The following GLIS3 variants were observed in gnomAD, a reference collection of about 807,000 sequenced individuals.
GLIS3 encodes zinc finger protein GLIS3.
A neutral mutation model predicts 78.6 loss-of-function variants in GLIS3; 53 were observed. The observed-to-expected ratio is 0.67, with a 90% confidence interval of 0.54 to 0.85. GLIS3 has a LOEUF of 0.85. Ranked by LOEUF, GLIS3 falls within the 40% of genes least tolerant of loss-of-function variation. The pLI, the probability that GLIS3 is intolerant of heterozygous loss-of-function variation, is 0.00. For synonymous variants in GLIS3, 684 were observed against 509.9 expected, an observed-to-expected ratio of 1.34 and a Z score of -4.60; for missense variants, 1,703 against 1,231.1, an observed-to-expected ratio of 1.38 and a Z score of -5.74.
intron 4 of GLIS3, among the ~76,000 whole-genome samples, chr9:4,003,345 T>G (rs1464789726): frequency 6.6e-6 from 1 of 152,072 alleles, no homozygotes; most frequent in Non-Finnish European, 1.5e-5. Context: ...CTATATATAT[T>G]TTAAAAAGAG....
At chr9:4,039,967 CTGTT>C (rs1474572652) in intron 4 of GLIS3, among the ~76,000 whole-genome samples, 4 of 152,186 alleles carry the variant, frequency 2.6e-5, no homozygotes, top group East Asian at 3.9e-4. Context: ...GAGGCCAAAA[CTGTT>C]TGGGAAGATT....
At chr9:4,134,895 T>A (rs1303999031) in intron 2 of GLIS3, among the ~76,000 whole-genome samples, 2 of 152,174 alleles carry the variant, frequency 1.3e-5, no homozygotes, top group Admixed American at 1.3e-4. Flanking sequence ...GTATACACCT[T>A]ACCTAGAAGG....
chr9:4,236,606 T>A (rs1822776146), intron 2 of GLIS3, among the ~76,000 whole-genome samples: 1 of 152,146 alleles, frequency 6.6e-6, no homozygotes, highest in Non-Finnish European at 1.5e-5. Context: ...AGCACAGCAG[T>A]CTAATTTCCA....
At chr9:4,308,571 C>T (rs556035623) in intron 4 of GLIS3, among the ~76,000 whole-genome samples, 27 of 152,250 alleles carry the variant, frequency 1.8e-4, no homozygotes, top group Non-Finnish European at 3.2e-4. Flanking sequence ...GTCCTAGTGC[C>T]TCTTCCTTGC....
At chr9:4,272,510 C>G (rs903975820) in intron 2 of GLIS3, among the ~76,000 whole-genome samples, 1 of 152,148 alleles carries the variant, frequency 6.6e-6, no homozygotes, top group Non-Finnish European at 1.5e-5. Flanking sequence ...TCTTAATCTT[C>G]CCAAGCCTCT....
intron 4 of GLIS3, among the ~76,000 whole-genome samples, chr9:4,049,798 G>A (rs962318442): frequency 1.3e-5 from 2 of 152,118 alleles, no homozygotes; most frequent in Non-Finnish European, 2.9e-5. Flanking sequence ...GATATGAACA[G>A]ACACTTCTCG....
chr9:4,473,118 T>C, the GLIS3 span, among the ~76,000 whole-genome samples: 1 of 152,116 alleles, frequency 6.6e-6, no homozygotes, highest in Admixed American at 6.6e-5. Context: ...TTGCCAGTTA[T>C]TGCAGCACTA....
At chr9:4,054,595 C>T (rs1009766935) in intron 4 of GLIS3, 21 of 457,376 alleles carry the variant, frequency 4.6e-5, no homozygotes, top group African/African-American at 4.3e-4. Context: ...GCCTCCTTGA[C>T]ATTCAGAGCT....
intron 4 of GLIS3, among the ~76,000 whole-genome samples, chr9:3,991,970 A>T (rs10974277): frequency 6.6e-5 from 10 of 152,216 alleles, no homozygotes; most frequent in Middle Eastern, 3.4e-3. Flanking sequence ...GATTACAGGC[A>T]TGAGCCACCC....
chr9:3,998,485 C>T (rs1820898778), intron 4 of GLIS3, among the ~76,000 whole-genome samples: 2 of 151,896 alleles, frequency 1.3e-5, no homozygotes, highest in South Asian at 4.1e-4. Flanking sequence ...CTATATACTA[C>T]TGTATTTATT....
chr9:3,992,370 C>G (rs555149987), intron 4 of GLIS3, among the ~76,000 whole-genome samples: 2 of 152,284 alleles, frequency 1.3e-5, no homozygotes, highest in African/African-American at 4.8e-5. Flanking sequence ...ATGATAGTTG[C>G]TTCTCTTGGG....
chr9:4,403,400 G>T, the GLIS3 span, among the ~76,000 whole-genome samples: 1 of 152,218 alleles, frequency 6.6e-6, no homozygotes, highest in African/African-American at 2.4e-5. Flanking sequence ...TAAGCACACA[G>T]AAAAACACAG....
intron 2 of GLIS3, among the ~76,000 whole-genome samples, chr9:4,165,494 T>G (rs1285367099): frequency 2.6e-5 from 4 of 152,154 alleles, no homozygotes; most frequent in Non-Finnish European, 5.9e-5. Flanking sequence ...GGGAAAAAGA[T>G]TTTCTAAGTT....
chr9:4,279,103 C>A (rs1157201323), intron 2 of GLIS3, among the ~76,000 whole-genome samples: 1 of 151,834 alleles, frequency 6.6e-6, no homozygotes, highest in Non-Finnish European at 1.5e-5. Flanking sequence ...AGTTCAAGAC[C>A]AGCCTGGCCA....
chr9:4,383,457 C>T, the GLIS3 span, among the ~76,000 whole-genome samples: 39 of 152,090 alleles, frequency 2.6e-4, no homozygotes, highest in Non-Finnish European at 4.3e-4. Flanking sequence ...TATTATGTAT[C>T]AAAGATAACA....
In GLIS3 at chr9:3,887,577, C is replaced by T. The variant is rs77618640; in HGVS notation, c.2129-7982G>A. ...TTCCCCCATGAGCTCCAAACTTCTGCGTAGGCTGCTCAATTACATTTCCAC... is the reference window on the plus strand; with the variant it reads ...TTCCCCCATGAGCTCCAAACTTCTGTGTAGGCTGCTCAATTACATTTCCAC... On this transcript the variant is annotated intron_variant, in intron 7 of 10. Coordinates refer to ENST00000381971, the MANE Select transcript of GLIS3 (RefSeq NM_001042413.2). Among the ~76,000 whole-genome samples, 1,145 of 152,258 alleles carry T rather than the reference C, an allele frequency of 7.5e-3. 6 individuals are homozygous for T. The highest frequency in any genetic ancestry group is 0.019 in the African/African-American group (771 of 41,544).
rs78635452 is a variant in GLIS3 at position 4,003,096 on chromosome 9, T to C, written c.1711-65907A>G. Reference sequence around the variant, plus strand: ...TACTACTTTTCAAAAGTTTTATATATAGGCTGAGCACAGTGGCTCATGCCT... The same window carrying C: ...TACTACTTTTCAAAAGTTTTATATACAGGCTGAGCACAGTGGCTCATGCCT... On this transcript the variant is annotated intron_variant, in intron 4 of 10. Coordinates refer to ENST00000381971, the MANE Select transcript of GLIS3 (RefSeq NM_001042413.2). Among the ~76,000 whole-genome samples the C allele has an allele frequency of 2.6e-5, 4 of 152,322 alleles. No homozygotes were observed. The East Asian group carries it at 7.7e-4, about 29-fold the overall frequency.
At chr9:4,467,171 G>C in the GLIS3 span, among the ~76,000 whole-genome samples, 1 of 152,226 alleles carries the variant, frequency 6.6e-6, no homozygotes, top group Non-Finnish European at 1.5e-5. Context: ...AGCTCAAGGA[G>C]GCCTGCCTGC....
rs1822777193 is a variant in GLIS3, at chr9:4,020,296, TG to T, written c.1711-83108del. Among the ~76,000 whole-genome samples, 9 of 152,196 alleles carry T rather than the reference TG, an allele frequency of 5.9e-5. No homozygotes were observed. In the South Asian group the frequency reaches 1.7e-3, roughly 28 times the overall value. ...ACTTAAGGGAAAGTTCTGTTTGTTT[TG>T]TTTTTTTTGTTTTGTTTTGTTTTGT... On this transcript the variant is annotated intron_variant, in intron 4 of 10. Coordinates refer to ENST00000381971, the MANE Select transcript of GLIS3 (RefSeq NM_001042413.2).
Sources: gnomAD v4.1 joint callset for allele counts (sites outside exome capture counted in the v4.1 genomes callset) on GRCh38, gnomAD v4.1.1 for gene constraint, MANE v1.5 for transcripts, NCBI Gene and HGNC (gene_info 2026-07-23, HGNC 2026-07-21) for gene names.